Variants in GPC5 observed in about 807,000 individuals in gnomAD.
GPC5 encodes the protein glypican-5.
In GPC5, 47 loss-of-function variants were observed where a neutral mutation model predicts 53.9. The observed-to-expected ratio is 0.87, with a 90% CI of 0.69 to 1.11. The LOEUF (loss-of-function observed/expected upper bound fraction) is 1.11, where lower values mean the gene tolerates loss of function less well. GPC5 is among the 50% of genes most tolerant of loss of function. GPC5 has a pLI of 0.00. For missense variants in GPC5, 748 were observed against 713.1 expected (o/e 1.05, Z -0.56); for synonymous variants, 286 against 263.3 (o/e 1.09, Z -0.84).
chr13:92,072,681 C>T (rs2041223001), intron 6 of GPC5, among the ~76,000 whole-genome samples: 2 of 149,592 alleles, frequency 1.3e-5, no homozygotes, highest in Admixed American at 1.4e-4. Flanking sequence ...TCAAGTGGTT[C>T]TGGTGCCTCA....
At chr13:91,671,013 G>T (rs549993546) in intron 2 of GPC5, among the ~76,000 whole-genome samples, 419 of 152,224 alleles carry the variant, frequency 2.8e-3, no homozygotes, top group Non-Finnish European at 4.8e-3. Flanking sequence ...TAAACAATAG[G>T]ATTTCAAGAA....
At chr13:92,700,155 G>A (rs755104763) in intron 7 of GPC5, among the ~76,000 whole-genome samples, 51 of 151,830 alleles carry the variant, frequency 3.4e-4, no homozygotes, top group Admixed American at 1.4e-3. Flanking sequence ...TCTTCTTGTT[G>A]CATTGATCTC....
chr13:92,074,865 G>A (rs2041240254), intron 6 of GPC5, among the ~76,000 whole-genome samples: 1 of 152,104 alleles, frequency 6.6e-6, no homozygotes, highest in Admixed American at 6.5e-5. Flanking sequence ...GCCATCTGCT[G>A]GTGCAGCAGC....
At chr13:91,895,266 T>A (rs1389654760) in intron 5 of GPC5, among the ~76,000 whole-genome samples, 1 of 151,934 alleles carries the variant, frequency 6.6e-6, no homozygotes, top group Non-Finnish European at 1.5e-5. Context: ...AGAGAGAGGG[T>A]CTCTAATATA....
intron 2 of GPC5, among the ~76,000 whole-genome samples, chr13:91,583,791 TA>T (rs543565527): frequency 1.4e-3 from 207 of 152,192 alleles, no homozygotes; most frequent in African/African-American, 4.9e-3. Flanking sequence ...AAAGTGCAGA[TA>T]AAAAAATAGG....
intron 6 of GPC5, among the ~76,000 whole-genome samples, chr13:91,956,113 C>T (rs1223561622): frequency 2.6e-5 from 4 of 152,138 alleles, no homozygotes; most frequent in African/African-American, 9.7e-5. Flanking sequence ...ACAGCCACCA[C>T]CTGTATGCAG....
At chr13:91,669,903 T>A (rs2035204443) in intron 2 of GPC5, among the ~76,000 whole-genome samples, 1 of 152,198 alleles carries the variant, frequency 6.6e-6, no homozygotes, top group South Asian at 2.1e-4. Flanking sequence ...TATTAATACA[T>A]TGCTTGAATA....
At chr13:92,825,186 C>T (rs1877805340) in intron 7 of GPC5, among the ~76,000 whole-genome samples, 14 of 152,044 alleles carry the variant, frequency 9.2e-5, no homozygotes, top group Admixed American at 9.2e-4. Flanking sequence ...ATCCGTGTGC[C>T]TGAGATTTCT....
At chr13:92,579,072 AG>A (rs1308652791) in intron 7 of GPC5, among the ~76,000 whole-genome samples, 2 of 152,266 alleles carry the variant, frequency 1.3e-5, no homozygotes, top group African/African-American at 4.8e-5. Flanking sequence ...GGAAAAGAAA[AG>A]TTCACTGTCA....
intron 7 of GPC5, among the ~76,000 whole-genome samples, chr13:92,214,833 G>A (rs2042398651): frequency 6.6e-6 from 1 of 152,174 alleles, no homozygotes; most frequent in Admixed American, 6.5e-5. Context: ...CTTACAATGT[G>A]GGAGAGAGAG....
intron 3 of GPC5, among the ~76,000 whole-genome samples, chr13:91,708,231 C>A (rs994399532): frequency 1.3e-5 from 2 of 151,912 alleles, no homozygotes; most frequent in African/African-American, 4.8e-5. Context: ...ATAGAGATTC[C>A]TTGGCTATTT....
chr13:92,509,049 A>G (rs758111402), intron 7 of GPC5, among the ~76,000 whole-genome samples: 4 of 152,186 alleles, frequency 2.6e-5, no homozygotes, highest in Non-Finnish European at 2.9e-5. Context: ...GACAGACCAT[A>G]CATAAATATG....
At chr13:92,514,365 A>C (rs1880690911) in intron 7 of GPC5, among the ~76,000 whole-genome samples, 1 of 152,126 alleles carries the variant, frequency 6.6e-6, no homozygotes, top group Admixed American at 6.6e-5. Flanking sequence ...AGAACGCTGA[A>C]TATTTATCAG....
chr13:91,442,024 A>G (rs972267688), intron 1 of GPC5, among the ~76,000 whole-genome samples: 2 of 152,204 alleles, frequency 1.3e-5, no homozygotes, highest in Non-Finnish European at 2.9e-5. Flanking sequence ...ACTAGAGGAG[A>G]GGTAAATGTT....
At chr13:92,005,780 G>A (rs2040601059) in intron 6 of GPC5, among the ~76,000 whole-genome samples, 2 of 152,088 alleles carry the variant, frequency 1.3e-5, no homozygotes, top group African/African-American at 2.4e-5. Flanking sequence ...TCTGCATATG[G>A]ATATCCAGTT....
intron 7 of GPC5, among the ~76,000 whole-genome samples, chr13:92,532,543 A>G (rs139118784): frequency 6.6e-6 from 1 of 152,180 alleles, no homozygotes; most frequent in Non-Finnish European, 1.5e-5. Context: ...TGTGACACCA[A>G]ATAGGATTGC....
At chr13:91,460,052 TTTG>T (rs2139138239) in intron 2 of GPC5, among the ~76,000 whole-genome samples, 1 of 152,136 alleles carries the variant, frequency 6.6e-6, no homozygotes, top group East Asian at 1.9e-4. Flanking sequence ...ATATGAGAAA[TTTG>T]TTTTCACTTT....
intron 2 of GPC5, among the ~76,000 whole-genome samples, chr13:91,607,798 A>G (rs1407787723): frequency 6.6e-6 from 1 of 152,214 alleles, no homozygotes; most frequent in Non-Finnish European, 1.5e-5. Flanking sequence ...TAACATTTGT[A>G]TACTAAAAGC....
chr13:92,572,470 G>A (rs1883060415), intron 7 of GPC5, among the ~76,000 whole-genome samples: 1 of 152,110 alleles, frequency 6.6e-6, no homozygotes, highest in Non-Finnish European at 1.5e-5. Context: ...GATGGATACC[G>A]CTGTGGTGAC....
Sources: allele counts gnomAD v4.1 joint callset (sites outside exome capture counted in the v4.1 genomes callset), GRCh38; gene constraint gnomAD v4.1.1; transcripts MANE v1.5; gene names NCBI Gene and HGNC (gene_info 2026-07-23, HGNC 2026-07-21).